Variants in PXT1 observed in about 807,000 individuals in gnomAD.
The protein encoded by PXT1 is peroxisomal testis enriched protein 1, also known as peroxisomal testis-specific protein 1.
A neutral mutation model predicts 11.0 loss-of-function variants in PXT1; 11 were observed. The ratio of observed to expected loss-of-function variants is 1.00; its 90% CI spans 0.63 to 1.66. The LOEUF is 1.66. Ranked by LOEUF, PXT1 falls within the 40% of genes most tolerant of loss-of-function variation. The pLI, the probability that PXT1 is intolerant of heterozygous loss-of-function variation, is 0.00. For synonymous variants in PXT1, 43 were observed against 51.4 expected (o/e 0.84, Z 0.70); for missense variants, 141 against 155.5 (o/e 0.91, Z 0.49).
chr6:36,392,190 G>A (rs1774079485), intron 4 of PXT1, among the ~76,000 whole-genome samples: 1 of 152,114 alleles, frequency 6.6e-6, no homozygotes, highest in South Asian at 2.1e-4. Flanking sequence ...ACCATGTCTG[G>A]CTAATTTTTA....
intron 1 of PXT1, among the ~76,000 whole-genome samples, chr6:36,441,104 A>G (rs1024847715): frequency 5.4e-5 from 8 of 148,402 alleles, no homozygotes; most frequent in African/African-American, 2.0e-4. Flanking sequence ...TCCATTCTCC[A>G]CAAAAAGAAA....
intron 1 of PXT1, 45 bp downstream of exon 1, chr6:36,442,489 TC>T (rs1296137645): frequency 6.6e-6 from 1 of 152,180 alleles, no homozygotes; most frequent in East Asian, 1.9e-4. Flanking sequence ...GTAACTTGCT[TC>T]CGGTTGATTT....
chr6:36,403,565 T>C (rs1216649604), intron 3 of PXT1, among the ~76,000 whole-genome samples: 1 of 152,028 alleles, frequency 6.6e-6, no homozygotes, highest in Admixed American at 6.6e-5. Flanking sequence ...GAAGAAAACT[T>C]GAGTTCATTT....
intron 3 of PXT1, among the ~76,000 whole-genome samples, chr6:36,415,447 AAATT>A (rs949737107): frequency 2.6e-4 from 39 of 152,272 alleles, no homozygotes; most frequent in East Asian, 7.7e-4. Context: ...CTGTCTCAAA[AAATT>A]AATTAATTAA....
intron 3 of PXT1, among the ~76,000 whole-genome samples, chr6:36,408,024 C>T (rs1175113273): frequency 4.7e-5 from 7 of 149,436 alleles, no homozygotes; most frequent in South Asian, 2.1e-4. Context: ...TGCCTTGGCG[C>T]GATCTTGGCT....
intron 4 of PXT1, among the ~76,000 whole-genome samples, chr6:36,400,238 T>G (rs1226331175): frequency 6.6e-6 from 1 of 152,230 alleles, no homozygotes; most frequent in Non-Finnish European, 1.5e-5. Context: ...ATGCTGATGC[T>G]GCCAGTCCAC....
intron 3 of PXT1, among the ~76,000 whole-genome samples, chr6:36,406,477 T>C (rs372355970): frequency 8.5e-5 from 13 of 152,088 alleles, no homozygotes; most frequent in African/African-American, 3.1e-4. Flanking sequence ...ACAGGGGATG[T>C]TGGCTAATAA....
intron 3 of PXT1, among the ~76,000 whole-genome samples, chr6:36,422,941 T>G (rs1472160381): frequency 6.6e-6 from 1 of 152,232 alleles, no homozygotes; most frequent in East Asian, 1.9e-4. Flanking sequence ...TTGCTTTTAC[T>G]CATCTTTGTT....
At chr6:36,411,813 G>T (rs1195553117) in intron 3 of PXT1, among the ~76,000 whole-genome samples, 1 of 152,028 alleles carries the variant, frequency 6.6e-6, no homozygotes, top group African/African-American at 2.4e-5. Flanking sequence ...GCCAGGCGTG[G>T]TGATGTGTGT....
At chr6:36,409,086 G>A (rs1336080672) in intron 3 of PXT1, among the ~76,000 whole-genome samples, 6 of 152,104 alleles carry the variant, frequency 3.9e-5, no homozygotes, top group South Asian at 4.2e-4. Flanking sequence ...ATTTTCTCAC[G>A]TAGTGGTCAT....
chr6:36,404,947 A>G (rs1394914532), intron 3 of PXT1, among the ~76,000 whole-genome samples: 1 of 152,082 alleles, frequency 6.6e-6, no homozygotes, highest in African/African-American at 2.4e-5. Flanking sequence ...ACAGAGTGAG[A>G]CTCTGGCTCC....
intron 3 of PXT1, among the ~76,000 whole-genome samples, chr6:36,402,403 T>C (rs2127411043): frequency 6.6e-6 from 1 of 152,366 alleles, no homozygotes; most frequent in South Asian, 2.1e-4. Context: ...GTGTTGAACC[T>C]ATTTCATTTC....
chr6:36,409,936 GGAAA>G lies in PXT1; in HGVS notation c.170-9356_170-9353del, dbSNP rs765420022. On this transcript the variant is annotated intron_variant, in intron 3 of 4. Coordinates refer to ENST00000454782, the MANE Select transcript of PXT1 (RefSeq NM_152990.4). ...AAGGGAGAAAGGAAGAAAGGACGAA[GGAAA>G]GAAAGAAAGAGAAAGGAAGAAAGAG... 2.3e-4 allele frequency among the ~76,000 whole-genome samples: 20 copies of G among 86,248 alleles called. 1 individual carries two copies. The highest frequency in any genetic ancestry group is 7.9e-4 in the East Asian group (2 of 2,518). 56.6% of individuals were successfully genotyped at this position (86,248 alleles called of 152,430 possible). A position where few individuals can be genotyped will look rare whatever the true frequency, so the allele number is the denominator to read the frequency against.
intron 2 of PXT1, 62 bp from the exon 3 acceptor site, chr6:36,426,153 GA>G (rs2127416604): frequency 9.7e-7 from 1 of 1,026,498 alleles, no homozygotes; most frequent in East Asian, 2.7e-5. Flanking sequence ...TGGTATTTTA[GA>G]TAAATATTAA....
At chr6:36,392,774 AAAG>A (rs1468912411) in intron 4 of PXT1, among the ~76,000 whole-genome samples, 2 of 152,174 alleles carry the variant, frequency 1.3e-5, no homozygotes, top group African/African-American at 4.8e-5. Flanking sequence ...AACATCAGAA[AAAG>A]AAGACCATGG....
At chr6:36,435,461 G>GCTC (rs1434509402) in intron 2 of PXT1, among the ~76,000 whole-genome samples, 1 of 152,122 alleles carries the variant, frequency 6.6e-6, no homozygotes, top group African/African-American at 2.4e-5. Flanking sequence ...TACTCAGGAG[G>GCTC]CTGAGGCAGG....
chr6:36,434,255 G>T (rs1314263884), intron 2 of PXT1, among the ~76,000 whole-genome samples: 1 of 151,984 alleles, frequency 6.6e-6, no homozygotes, highest in Non-Finnish European at 1.5e-5. Context: ...GGATGAAAAG[G>T]CCCAGCATGA....
At chr6:36,429,881 A>G (rs1774667962) in intron 2 of PXT1, among the ~76,000 whole-genome samples, 1 of 151,916 alleles carries the variant, frequency 6.6e-6, no homozygotes, top group African/African-American at 2.4e-5. Context: ...GGTTGTTCTG[A>G]TATAAAGCTT....
chr6:36,413,185 G>A lies in PXT1; in HGVS notation c.170-12601C>T, dbSNP rs867103158. Reference sequence around the variant, plus strand: ...GGTAATCCCAGCACTTTGGGAGGCCGAGGTGGGCGGATCACGAGGTCAGGA... The same window carrying A: ...GGTAATCCCAGCACTTTGGGAGGCCAAGGTGGGCGGATCACGAGGTCAGGA... On this transcript the variant is annotated intron_variant, in intron 3 of 4. Coordinates refer to ENST00000454782, the MANE Select transcript of PXT1 (RefSeq NM_152990.4). Among the ~76,000 whole-genome samples, 4 of 152,190 alleles carry A rather than the reference G, an allele frequency of 2.6e-5. No homozygotes were observed. The East Asian group carries it at 5.8e-4, about 22-fold the overall frequency.
Sources: gnomAD v4.1 joint callset for allele counts (sites outside exome capture counted in the v4.1 genomes callset) on GRCh38, gnomAD v4.1.1 for gene constraint, MANE v1.5 for transcripts, NCBI Gene and HGNC (gene_info 2026-07-23, HGNC 2026-07-21) for gene names.